The following GNAL variants were observed in gnomAD, a reference collection of about 807,000 sequenced individuals.
GNAL encodes the protein G protein subunit alpha L, also known as guanine nucleotide-binding protein G(olf) subunit alpha.
Under a neutral mutation model 55.1 loss-of-function variants are expected in GNAL, and 18 were observed. The ratio of observed to expected loss-of-function variants is 0.33; its 90% CI spans 0.23 to 0.48. The LOEUF (loss-of-function observed/expected upper bound fraction) is 0.48, where lower values mean the gene tolerates loss of function less well. Among genes scored for constraint, GNAL ranks in the 20% least tolerant of loss-of-function variants. GNAL has a pLI of 0.99. For synonymous variants in GNAL, 253 were observed against 237.0 expected, an observed-to-expected ratio of 1.07 and a Z score of -0.62; for missense variants, 412 against 614.1, an observed-to-expected ratio of 0.67 and a Z score of 3.48.
chr18:11,834,444 G>A (rs978492453), intron 5 of GNAL, among the ~76,000 whole-genome samples: 1 of 152,156 alleles, frequency 6.6e-6, no homozygotes, highest in Non-Finnish European at 1.5e-5. Context: ...TTCTGGCTGG[G>A]CACAGTGGCT....
At chr18:11,802,297 A>AGTC (rs1172465604) in intron 4 of GNAL, among the ~76,000 whole-genome samples, 1 of 152,168 alleles carries the variant, frequency 6.6e-6, no homozygotes, top group African/African-American at 2.4e-5. Flanking sequence ...AGTCATGGAC[A>AGTC]GTCCTGGGAA....
chr18:11,808,378 A>G (rs1364634), intron 4 of GNAL, among the ~76,000 whole-genome samples: 150,833 of 152,336 alleles, frequency 0.99, 74,684 homozygotes, highest in Middle Eastern at 1. Context: ...TTATTTGATT[A>G]TTTGGAATTG....
chr18:11,696,886 A>G (rs1452218332), intron 1 of GNAL, among the ~76,000 whole-genome samples: 2 of 152,134 alleles, frequency 1.3e-5, no homozygotes, highest in Non-Finnish European at 2.9e-5. Flanking sequence ...ACCCACTAAA[A>G]GATGCAGAGG....
chr18:11,704,640 G>A (rs775461384), intron 1 of GNAL, among the ~76,000 whole-genome samples: 5 of 152,214 alleles, frequency 3.3e-5, no homozygotes, highest in Admixed American at 1.3e-4. Context: ...TTTGGACTCC[G>A]TCTCTTACAT....
chr18:11,821,990 T>C (rs1305548378), intron 4 of GNAL, among the ~76,000 whole-genome samples: 6 of 152,248 alleles, frequency 3.9e-5, no homozygotes, highest in Non-Finnish European at 8.8e-5. Context: ...TCACGGGTGC[T>C]AAGTAAGTCG....
Position 11,884,076 on chromosome 18 carries a change from A to T in GNAL, c.*2941A>T, listed in dbSNP as rs2036825359. 1 of 185,150 alleles carries T rather than the reference A, an allele frequency of 5.4e-6. No individual in the cohort carries two copies. The highest frequency in any genetic ancestry group is 2.4e-5 in the African/African-American group (1 of 42,396). The allele number at this position is 185,150 out of a possible 1,614,324, so 11.5% of individuals were successfully genotyped here. On this transcript the variant is annotated 3_prime_UTR_variant, in exon 12 of 12. Coordinates refer to ENST00000334049, the MANE Select transcript of GNAL (RefSeq NM_182978.4). ...GGAAGAGGGAAACAGCCCAATATTTATTTATGTATACACATAATCCCAAGT... is the reference window on the plus strand; with the variant it reads ...GGAAGAGGGAAACAGCCCAATATTTTTTTATGTATACACATAATCCCAAGT...
intron 1 of GNAL, among the ~76,000 whole-genome samples, chr18:11,739,745 G>A (rs965896908): frequency 4.0e-5 from 6 of 151,766 alleles, no homozygotes; most frequent in Non-Finnish European, 5.9e-5. Context: ...TGTCCTTCCC[G>A]GGGTCTCACC....
chr18:11,872,336 C>G lies in GNAL; in HGVS notation c.1100C>G (p.Ala367Gly). Residue 367 changes from alanine to glycine, a missense_variant, in exon 10 of 12, where the codon GCA (alanine) becomes GGA (glycine). Physicochemically the swap from Ala to Gly is moderately conservative, Grantham distance 60. This residue lies in a region of GNAL where 79 missense variants were observed against 127.1 expected (regional missense o/e 0.62). Transcript: ENST00000334049. Reference sequence around the variant, plus strand: ...GATATGCTGGCAGAAAAAGTCTTGGCAGGGAAATCAAAAATTGAAGACTAT... The same window carrying G: ...GATATGCTGGCAGAAAAAGTCTTGGGAGGGAAATCAAAAATTGAAGACTAT... ...KQDMLAEKVL[A>G]GKSKIEDYFP... 6.4e-7 allele frequency: 1 copy of G among 1,569,898 alleles called. No individual in the cohort carries two copies. The highest frequency in any genetic ancestry group is 8.6e-7 in the Non-Finnish European group (1 of 1,160,210).
chr18:11,881,906 T>G lies in GNAL; in HGVS notation c.*771T>G, dbSNP rs923971645. 2 of 152,648 alleles carry G rather than the reference T, an allele frequency of 1.3e-5. No homozygotes were observed. Among genetic ancestry groups the G allele is most frequent in the African/African-American group, 4.8e-5 (2 of 41,462 alleles). The allele number at this position is 152,648 out of a possible 1,614,324, so 9.5% of individuals were successfully genotyped here. On this transcript the variant is annotated 3_prime_UTR_variant, in exon 12 of 12. Transcript: ENST00000334049. The surrounding 1 kb of genome is among the most constrained non-coding windows in gnomAD (Gnocchi z 4.8). ...TATAACTACTAAAGAAAAATCCTTG[T>G]AGATCTTTGTGCCTTCACCATGGCT... is the stretch of plus-strand genomic sequence containing the variant.
At chr18:11,870,848 G>A (rs549913431) in intron 9 of GNAL, among the ~76,000 whole-genome samples, 1 of 152,260 alleles carries the variant, frequency 6.6e-6, no homozygotes, top group East Asian at 1.9e-4. Context: ...TGTATGAAAT[G>A]TTCAACAACC....
At position 11,814,867 on chromosome 18, in the gene GNAL, C is replaced by T. The variant is rs143949348; in HGVS notation, c.625-10051C>T. On this transcript the variant is annotated intron_variant, in intron 4 of 11. Transcript: ENST00000334049. ...GAACCGAGATCACGCCACTGCACTC[C>T]ATCCTGGGCAATAAGAGTGAAACTC... is the stretch of plus-strand genomic sequence containing the variant. 1.9e-4 allele frequency among the ~76,000 whole-genome samples: 29 copies of T among 149,428 alleles called. No individual in the cohort carries two copies. In the East Asian group the frequency reaches 5.7e-3, roughly 29 times the overall value.
chr18:11,878,187 A>G (rs1345639342), intron 11 of GNAL, among the ~76,000 whole-genome samples: 1 of 152,230 alleles, frequency 6.6e-6, no homozygotes, highest in East Asian at 1.9e-4. Flanking sequence ...GCAGTTGCTC[A>G]TGGATGTAAT....
At position 11,789,030 on chromosome 18, in the gene GNAL, A is replaced by G. The variant is rs1184407964; in HGVS notation, c.624+35085A>G. On this transcript the variant is annotated intron_variant, in intron 4 of 11. Coordinates refer to ENST00000334049, the MANE Select transcript of GNAL (RefSeq NM_182978.4). ...AGTTATAAAGAGGACTTGATACCACAAGTTCCATCTCTAGGCCTATCTCAG... is the reference window on the plus strand; with the variant it reads ...AGTTATAAAGAGGACTTGATACCACGAGTTCCATCTCTAGGCCTATCTCAG... 3.3e-5 allele frequency among the ~76,000 whole-genome samples: 5 copies of G among 150,974 alleles called. No homozygotes were observed. The East Asian group carries it at 9.7e-4, about 29-fold the overall frequency.
At chr18:11,771,226 A>AG (rs2033623036) in intron 4 of GNAL, among the ~76,000 whole-genome samples, 1 of 151,896 alleles carries the variant, frequency 6.6e-6, no homozygotes, top group African/African-American at 2.4e-5. Context: ...AAAAAAAAAA[A>AG]AAAAAGAAAA....
chr18:11,746,070 G>A, intron 1 of GNAL: 2 of 444,242 alleles, frequency 4.5e-6, no homozygotes, highest in Non-Finnish European at 8.9e-6. Flanking sequence ...TTCAGAAGCT[G>A]AAGTTCTTGT....
chr18:11,754,035 T>C lies in GNAL; in HGVS notation c.624+90T>C, dbSNP rs72865259. ...TATTGAGAATCAATATTGATACTAA[T>C]TCATTATTAACTTTCTTCGAAATCC... On this transcript the variant is annotated intron_variant, in intron 4 of 11. Transcript: ENST00000334049. The C allele has an allele frequency of 0.16, 149,699 of 926,026 alleles. 13,594 individuals are homozygous for C. Among genetic ancestry groups the C allele is most frequent in the East Asian group, 0.26 (10,823 of 41,330 alleles). 57.4% of individuals were successfully genotyped at this position (926,026 alleles called of 1,614,324 possible).
chr18:11,708,908 A>G (rs924197719), intron 1 of GNAL, among the ~76,000 whole-genome samples: 9 of 152,080 alleles, frequency 5.9e-5, no homozygotes, highest in Non-Finnish European at 1.0e-4. Flanking sequence ...TTTTTCCTAT[A>G]TTTTCGTTCA....
chr18:11,848,266 C>T (rs931201439), intron 5 of GNAL, among the ~76,000 whole-genome samples: 1 of 152,068 alleles, frequency 6.6e-6, no homozygotes, highest in Admixed American at 6.6e-5. Flanking sequence ...GGCTGGGGAA[C>T]TGTCAGGGAG....
intron 1 of GNAL, among the ~76,000 whole-genome samples, chr18:11,731,778 G>T (rs192387504): frequency 6.6e-6 from 1 of 152,264 alleles, no homozygotes; most frequent in Admixed American, 6.5e-5. Context: ...TGAAGGACTG[G>T]AATATCTAAT....
Sources: gnomAD v4.1 joint callset for allele counts (sites outside exome capture counted in the v4.1 genomes callset) on GRCh38, gnomAD v4.1.1 for gene constraint, gnomAD v4.1.1 regional missense constraint, Gnocchi (gnomAD v3.1) non-coding constraint, MANE v1.5 for transcripts, NCBI Gene and HGNC (gene_info 2026-07-23, HGNC 2026-07-21) for gene names.